G3BP2: variants seen among roughly 807,000 people sequenced by gnomAD.
The protein encoded by G3BP2 is ras GTPase-activating protein-binding protein 2.
Under a neutral mutation model 56.7 loss-of-function variants are expected in G3BP2, and 11 were observed. The ratio of observed to expected loss-of-function variants is 0.19; its 90% CI spans 0.12 to 0.32. The LOEUF is 0.32. Ranked by LOEUF, G3BP2 falls within the 10% of genes least tolerant of loss-of-function variation. G3BP2 has a pLI of 1.00. For missense variants in G3BP2, 340 were observed against 610.9 expected (o/e 0.56, Z 4.67); for synonymous variants, 165 against 191.6 (o/e 0.86, Z 1.15).
At chr4:75,672,002 T>C (rs907908414) in intron 1 of G3BP2, among the ~76,000 whole-genome samples, 4 of 152,226 alleles carry the variant, frequency 2.6e-5, no homozygotes, top group African/African-American at 9.7e-5. Flanking sequence ...CAGTTAATGT[T>C]TCCTAGATCC....
intron 3 of G3BP2, among the ~76,000 whole-genome samples, chr4:75,691,707 G>A (rs189905409): frequency 2.0e-5 from 3 of 152,280 alleles, no homozygotes; most frequent in African/African-American, 7.2e-5. Context: ...AAATCACCTG[G>A]GGAACTTTGA....
chr4:75,711,998 C>T (rs1719778763), intron 3 of G3BP2, among the ~76,000 whole-genome samples: 1 of 152,086 alleles, frequency 6.6e-6, no homozygotes, highest in Non-Finnish European at 1.5e-5. Flanking sequence ...AAGAAATAAT[C>T]ACACAAAACC....
Position 75,645,218 on chromosome 4 carries a change from C to T in G3BP2, c.*212G>A. ...GGTCATTTCTCAGTCCTTAATTCTC[C>T]AAGTCTAGATTTATAAATTAACAAT... On this transcript the variant is annotated 3_prime_UTR_variant, in exon 12 of 12. Transcript: ENST00000359707. The T allele has an allele frequency of 3.5e-6, 2 of 572,800 alleles. No individual in the cohort carries two copies. The highest frequency in any genetic ancestry group is 2.3e-5 in the South Asian group (1 of 43,574). 35.5% of individuals were successfully genotyped at this position (572,800 alleles called of 1,614,324 possible).
chr4:75,659,206 A>AT (rs2148991044), intron 2 of G3BP2, among the ~76,000 whole-genome samples: 1 of 152,344 alleles, frequency 6.6e-6, no homozygotes, highest in Admixed American at 6.5e-5. Context: ...ATTCACATCT[A>AT]TTTTTTGTTA....
rs568015902 is a variant in G3BP2, at chr4:75,647,221, G to C, written c.929-64C>G. ...ATCATAAAAACTACTTCAAAGGAGT[G>C]AATGTAAAAATCACTTAATATTGAT... is the stretch of plus-strand genomic sequence containing the variant. On this transcript the variant is annotated intron_variant, in intron 9 of 11. Coordinates refer to ENST00000359707, the MANE Select transcript of G3BP2 (RefSeq NM_203505.3). 9.4e-5 allele frequency: 102 copies of C among 1,088,356 alleles called. 2 individuals are homozygous for C. The South Asian group carries it at 1.7e-3, about 18-fold the overall frequency. 67.4% of individuals were successfully genotyped at this position (1,088,356 alleles called of 1,614,324 possible). A position where few individuals can be genotyped will look rare whatever the true frequency, so the allele number is the denominator to read the frequency against.
intron 1 of G3BP2, among the ~76,000 whole-genome samples, chr4:75,662,831 G>C (rs115758210): frequency 0.014 from 2,122 of 152,224 alleles, 20 homozygotes; most frequent in Non-Finnish European, 0.02. Flanking sequence ...CTGGATTCCA[G>C]TGGTTTTATC....
Position 75,648,646 on chromosome 4 carries a change from T to C in G3BP2, c.921A>G (p.Pro307=). Residue 307 remains proline, a synonymous_variant, in exon 9 of 12, where the codon CCA becomes CCG. Coordinates refer to ENST00000359707, the MANE Select transcript of G3BP2 (RefSeq NM_203505.3). ...RERPGFPPRG[P]RPGRGDMEQN... is the part of the protein sequence containing the mutation. Reference sequence around the variant, plus strand: ...ATAAAGGAGCTGACTCACCTGGTCTTGGTCCTCTAGGAGGAAAACCAGGTC... The same window carrying C: ...ATAAAGGAGCTGACTCACCTGGTCTCGGTCCTCTAGGAGGAAAACCAGGTC... 1 of 1,572,328 alleles carries C rather than the reference T, an allele frequency of 6.4e-7. No homozygotes were observed.
intron 3 of G3BP2, among the ~76,000 whole-genome samples, chr4:75,690,857 C>G (rs1718826963): frequency 6.6e-6 from 1 of 151,960 alleles, no homozygotes; most frequent in African/African-American, 2.4e-5. Context: ...AGCCACCGTA[C>G]CAGGGAGACA....
At chr4:75,688,840 A>C (rs1718731164) in intron 3 of G3BP2, among the ~76,000 whole-genome samples, 1 of 152,252 alleles carries the variant, frequency 6.6e-6, no homozygotes, top group African/African-American at 2.4e-5. Context: ...ACGATGAGTA[A>C]ATTATATGGT....
At chr4:75,676,613 T>C (rs1244781400), upstream of G3BP2, among the ~76,000 whole-genome samples, 1 of 152,132 alleles carries the variant, frequency 6.6e-6, no homozygotes, top group Non-Finnish European at 1.5e-5. Context: ...GTCAATACAT[T>C]TCTGTTCCCT....
At chr4:75,688,707 A>G (rs1207667265) in intron 3 of G3BP2, among the ~76,000 whole-genome samples, 2 of 152,234 alleles carry the variant, frequency 1.3e-5, no homozygotes, top group African/African-American at 4.8e-5. Flanking sequence ...ACCTTGGATG[A>G]TCCATAAAAA....
In G3BP2 at chr4:75,673,311, ACTCGGAAGC is replaced by A. The variant is rs1295631407; in HGVS notation, c.-137_-129del. On this transcript the variant is annotated 5_prime_UTR_variant, in exon 1 of 12. Coordinates refer to ENST00000359707, the MANE Select transcript of G3BP2 (RefSeq NM_203505.3). ...TGCTCGCCGCCCCCTTCCTCCGACAACTCGGAAGCCTCGGAAGCCGGAGAGCCGCGAGTT... is the reference window on the plus strand; with the variant it reads ...TGCTCGCCGCCCCCTTCCTCCGACAACTCGGAAGCCGGAGAGCCGCGAGTT... 291 of 1,229,362 alleles carry A rather than the reference ACTCGGAAGC, an allele frequency of 2.4e-4. 2 individuals carry two copies. In the African/African-American group the frequency reaches 4.0e-3, roughly 17 times the overall value. 76.2% of individuals were successfully genotyped at this position (1,229,362 alleles called of 1,614,324 possible). A position where few individuals can be genotyped will look rare whatever the true frequency, so the allele number is the denominator to read the frequency against.
At chr4:75,669,834 TG>T (rs1733343396) in intron 1 of G3BP2, among the ~76,000 whole-genome samples, 1 of 152,238 alleles carries the variant, frequency 6.6e-6, no homozygotes, top group African/African-American at 2.4e-5. Context: ...GGCTCACGCC[TG>T]TAATTCTAGC....
At chr4:75,701,935 C>G (rs1189789533) in intron 3 of G3BP2, among the ~76,000 whole-genome samples, 1 of 152,086 alleles carries the variant, frequency 6.6e-6, no homozygotes, top group East Asian at 1.9e-4. Context: ...GGGATCTTAC[C>G]TATCTAAAAG....
At chr4:75,653,149 G>A (rs1731829016) in intron 8 of G3BP2, among the ~76,000 whole-genome samples, 2 of 150,150 alleles carry the variant, frequency 1.3e-5, no homozygotes, top group Non-Finnish European at 3.0e-5. Flanking sequence ...TTATGTAGCT[G>A]ATTATGTGTC....
chr4:75,659,498 T>A (rs771201471), intron 2 of G3BP2, among the ~76,000 whole-genome samples: 18 of 152,240 alleles, frequency 1.2e-4, no homozygotes, highest in South Asian at 2.1e-4. Context: ...CTTAAGTATG[T>A]GTAAATTAGT....
At chr4:75,672,477 A>G (rs1323949672) in intron 1 of G3BP2, 1 of 152,222 alleles carries the variant, frequency 6.6e-6, no homozygotes, top group African/African-American at 2.4e-5. Context: ...TCGTCTGCAT[A>G]AGAGGGGGAC....
At position 75,658,928 on chromosome 4, in the gene G3BP2, C is replaced by T. The variant is rs759539902; in HGVS notation, c.96-4G>A. Reference sequence around the variant, plus strand: ...GGAAGAATTCCTGCCATAAAACCTGCAAAACCATAATTAATGATTAACACT... The same window carrying T: ...GGAAGAATTCCTGCCATAAAACCTGTAAAACCATAATTAATGATTAACACT... On this transcript the variant is annotated splice_region_variant and splice_polypyrimidine_tract_variant and intron_variant, in intron 2 of 11. Coordinates refer to ENST00000359707, the MANE Select transcript of G3BP2 (RefSeq NM_203505.3). 4.4e-6 allele frequency: 7 copies of T among 1,597,316 alleles called. No individual in the cohort carries two copies. Among genetic ancestry groups the T allele is most frequent in the Non-Finnish European group, 6.0e-6 (7 of 1,164,704 alleles).
upstream of G3BP2, among the ~76,000 whole-genome samples, chr4:75,677,419 A>G (rs572720185): frequency 2.6e-5 from 4 of 152,196 alleles, no homozygotes; most frequent in African/African-American, 9.6e-5. Flanking sequence ...AAAAATACAA[A>G]AATTAGCCAG....
Sources: allele counts gnomAD v4.1 joint callset (sites outside exome capture counted in the v4.1 genomes callset), GRCh38; gene constraint gnomAD v4.1.1; transcripts MANE v1.5; gene names NCBI Gene and HGNC (gene_info 2026-07-23, HGNC 2026-07-21).